WWOX: variants seen among roughly 807,000 people sequenced by gnomAD.
WWOX encodes the protein WW domain-containing oxidoreductase.
WWOX carries 69 observed loss-of-function variants against 46.2 expected under a neutral mutation model. That is an observed-to-expected ratio of 1.49 (90% CI 1.23 to 1.82). The LOEUF is 1.82. Among genes scored for constraint, WWOX ranks in the 40% most tolerant of loss-of-function variants. WWOX has a pLI of 0.00. For synonymous variants in WWOX, 359 were observed against 202.6 expected, an observed-to-expected ratio of 1.77 and a Z score of -6.56; for missense variants, 919 against 542.6, an observed-to-expected ratio of 1.69 and a Z score of -6.89.
At chr16:79,175,263 A>T (rs759273412) in intron 8 of WWOX, among the ~76,000 whole-genome samples, 1 of 152,256 alleles carries the variant, frequency 6.6e-6, no homozygotes, top group Non-Finnish European at 1.5e-5. Flanking sequence ...AATGTTACAG[A>T]TCAGTTTGAA....
intron 4 of WWOX, among the ~76,000 whole-genome samples, chr16:78,153,711 C>A (rs1463396188): frequency 6.6e-6 from 1 of 152,106 alleles, no homozygotes; most frequent in African/African-American, 2.4e-5. Flanking sequence ...TTAATAATAA[C>A]CACCCATTAG....
chr16:79,176,686 T>A (rs1334496186), intron 8 of WWOX, among the ~76,000 whole-genome samples: 4 of 152,092 alleles, frequency 2.6e-5, no homozygotes, highest in Admixed American at 1.3e-4. Flanking sequence ...AGTTTGGAGG[T>A]CTTCATTTTA....
At chr16:79,067,559 T>A (rs11150132) in intron 8 of WWOX, among the ~76,000 whole-genome samples, 30,799 of 142,138 alleles carry the variant, frequency 0.22, 4,160 homozygotes, top group African/African-American at 0.4. Context: ...CACTGCCACA[T>A]GGAATAGTAC....
At chr16:78,465,216 A>G (rs2084046242) in intron 8 of WWOX, among the ~76,000 whole-genome samples, 1 of 152,254 alleles carries the variant, frequency 6.6e-6, no homozygotes, top group Non-Finnish European at 1.5e-5. Context: ...ATTGTATCAT[A>G]GAATCATAAA....
At chr16:78,760,730 G>C (rs1022707786) in intron 8 of WWOX, among the ~76,000 whole-genome samples, 8 of 152,294 alleles carry the variant, frequency 5.3e-5, no homozygotes, top group Middle Eastern at 3.4e-3. Context: ...GACTCTTTGA[G>C]GCAGAATACC....
intron 5 of WWOX, chr16:78,355,634 C>T (rs546612321): frequency 2.6e-5 from 16 of 607,882 alleles, no homozygotes; most frequent in Admixed American, 5.9e-5. Context: ...GAGAAACGAC[C>T]GAGAGCTTCG....
At chr16:78,905,295 T>A (rs1393912817) in intron 8 of WWOX, among the ~76,000 whole-genome samples, 3 of 152,188 alleles carry the variant, frequency 2.0e-5, no homozygotes, top group Non-Finnish European at 2.9e-5. Context: ...CATATTTACT[T>A]CCAATATGAA....
At chr16:78,459,400 A>G (rs1312465707) in intron 8 of WWOX, among the ~76,000 whole-genome samples, 1 of 152,192 alleles carries the variant, frequency 6.6e-6, no homozygotes, top group African/African-American at 2.4e-5. Context: ...CTACAAGTGG[A>G]GCGTGATTTC....
chr16:78,525,151 C>G (rs371029810), intron 8 of WWOX: 1 of 149,550 alleles, frequency 6.7e-6, no homozygotes, highest in Non-Finnish European at 1.5e-5. Flanking sequence ...TAGGCATGAG[C>G]CACTATGCCC....
intron 8 of WWOX, among the ~76,000 whole-genome samples, chr16:78,458,450 A>G (rs777349782): frequency 1.3e-5 from 2 of 151,728 alleles, no homozygotes; most frequent in Non-Finnish European, 2.9e-5. Flanking sequence ...TTATAGAGAC[A>G]AGGTTTCCCT....
chr16:78,718,293 G>A (rs1412212146), intron 8 of WWOX, among the ~76,000 whole-genome samples: 1 of 151,752 alleles, frequency 6.6e-6, no homozygotes, highest in Non-Finnish European at 1.5e-5. Flanking sequence ...AAAAGTCCGT[G>A]AGGGATTCTC....
At chr16:79,029,433 A>G (rs1046303532) in intron 8 of WWOX, among the ~76,000 whole-genome samples, 2 of 152,204 alleles carry the variant, frequency 1.3e-5, no homozygotes, top group African/African-American at 4.8e-5. Flanking sequence ...TGCACCAGTA[A>G]AGGGTTCTGA....
rs1567563684 is a variant in WWOX, at chr16:78,422,838, TACATATACACACACACAC to T, written c.606-2028_606-2011del. Among the ~76,000 whole-genome samples, 27 of 96,466 alleles carry T rather than the reference TACATATACACACACACAC, an allele frequency of 2.8e-4. 1 individual carries two copies. The highest frequency in any genetic ancestry group is 1.3e-3 in the African/African-American group (25 of 19,158). 63.3% of individuals were successfully genotyped at this position (96,466 alleles called of 152,430 possible). ...ATATATACACACACATATATATATA[TACATATACACACACACAC>T]ACACACACACACACACACACACACA... On this transcript the variant is annotated intron_variant, in intron 6 of 8. Transcript: ENST00000566780.
intron 8 of WWOX, among the ~76,000 whole-genome samples, chr16:78,969,811 C>G (rs2046435777): frequency 6.6e-6 from 1 of 152,108 alleles, no homozygotes; most frequent in African/African-American, 2.4e-5. Context: ...TCTGCAGAAA[C>G]AGAAAGTAGA....
chr16:78,925,534 C>T (rs2045478733), intron 8 of WWOX, among the ~76,000 whole-genome samples: 1 of 152,236 alleles, frequency 6.6e-6, no homozygotes, highest in Non-Finnish European at 1.5e-5. Flanking sequence ...GTGTTGTTTT[C>T]TGCTTCTTTC....
At chr16:78,885,980 A>C (rs1399146579) in intron 8 of WWOX, among the ~76,000 whole-genome samples, 1 of 144,868 alleles carries the variant, frequency 6.9e-6, no homozygotes, top group Non-Finnish European at 1.5e-5. Flanking sequence ...GCTGGAGTGC[A>C]GTAGCACCAT....
chr16:79,132,293 G>A (rs2049896024), intron 8 of WWOX, among the ~76,000 whole-genome samples: 1 of 152,196 alleles, frequency 6.6e-6, no homozygotes. Context: ...AGCTGGAAGA[G>A]GGCACCTAGG....
chr16:78,582,073 G>C (rs925807028), intron 8 of WWOX, among the ~76,000 whole-genome samples: 1 of 152,218 alleles, frequency 6.6e-6, no homozygotes, highest in African/African-American at 2.4e-5. Flanking sequence ...AACGCTGGGT[G>C]CAGAAGCATC....
intron 6 of WWOX, among the ~76,000 whole-genome samples, chr16:78,424,422 G>C (rs143972680): frequency 1.3e-5 from 2 of 152,120 alleles, no homozygotes; most frequent in African/African-American, 4.8e-5. Context: ...GCCTGGCCCT[G>C]TGTCAGCCTT....
Sources: allele counts gnomAD v4.1 joint callset (sites outside exome capture counted in the v4.1 genomes callset), GRCh38; gene constraint gnomAD v4.1.1; transcripts MANE v1.5; gene names NCBI Gene and HGNC (gene_info 2026-07-23, HGNC 2026-07-21).